The following GPC5 variants were observed in gnomAD, a reference collection of about 807,000 sequenced individuals.
The protein encoded by GPC5 is glypican-5.
In GPC5, 47 loss-of-function variants were observed where a neutral mutation model predicts 53.9. The observed-to-expected ratio is 0.87, with a 90% CI of 0.69 to 1.11. GPC5 has a LOEUF of 1.11. Among genes scored for constraint, GPC5 ranks in the 50% most tolerant of loss-of-function variants. The pLI, the probability that GPC5 is intolerant of heterozygous loss-of-function variation, is 0.00. For missense variants in GPC5, 748 were observed against 713.1 expected, an observed-to-expected ratio of 1.05 and a Z score of -0.56; for synonymous variants, 286 against 263.3, an observed-to-expected ratio of 1.09 and a Z score of -0.84.
At chr13:92,496,940 C>A (rs1016895426) in intron 7 of GPC5, among the ~76,000 whole-genome samples, 11 of 152,084 alleles carry the variant, frequency 7.2e-5, no homozygotes, top group African/African-American at 2.7e-4. Context: ...CAGAGTGAGA[C>A]AAGTTTTAAG....
chr13:91,717,064 GATAA>G (rs1408294740), intron 3 of GPC5, among the ~76,000 whole-genome samples: 2 of 152,140 alleles, frequency 1.3e-5, no homozygotes, highest in Non-Finnish European at 2.9e-5. Context: ...TGGCAAGGTT[GATAA>G]ATAAACTCAA....
At chr13:92,863,455 T>C (rs16947952) in intron 7 of GPC5, among the ~76,000 whole-genome samples, 10,094 of 152,214 alleles carry the variant, frequency 0.066, 1,100 homozygotes, top group African/African-American at 0.23. Context: ...TAATACACTT[T>C]ACCACTTCCT....
chr13:92,528,414 A>G (rs1483917960), intron 7 of GPC5, among the ~76,000 whole-genome samples: 4 of 152,126 alleles, frequency 2.6e-5, no homozygotes, highest in Admixed American at 2.6e-4. Context: ...GAACCCTGTG[A>G]TAAGTCAATT....
chr13:91,663,101 T>A (rs2035023871), intron 2 of GPC5, among the ~76,000 whole-genome samples: 1 of 152,212 alleles, frequency 6.6e-6, no homozygotes, highest in African/African-American at 2.4e-5. Flanking sequence ...GTGGAAGGCT[T>A]GATTTTCTAG....
intron 1 of GPC5, among the ~76,000 whole-genome samples, chr13:91,424,361 C>CTTTT (rs781733611): frequency 6.2e-5 from 7 of 113,454 alleles, no homozygotes; most frequent in South Asian, 3.3e-4. Context: ...TCCAGTACTG[C>CTTTT]TTTTTTTTTT....
chr13:91,790,178 A>G (rs1460510459), intron 5 of GPC5, among the ~76,000 whole-genome samples: 2 of 152,220 alleles, frequency 1.3e-5, no homozygotes, highest in Non-Finnish European at 2.9e-5. Flanking sequence ...AGCCATTATA[A>G]CAGGTGTGAG....
intron 7 of GPC5, among the ~76,000 whole-genome samples, chr13:92,200,048 A>G (rs2042283315): frequency 6.6e-6 from 1 of 152,230 alleles, no homozygotes; most frequent in Admixed American, 6.5e-5. Flanking sequence ...GAGAATATGA[A>G]GCACAGCCAT....
At chr13:92,329,943 T>C (rs751270016) in intron 7 of GPC5, among the ~76,000 whole-genome samples, 19 of 152,170 alleles carry the variant, frequency 1.2e-4, no homozygotes, top group Non-Finnish European at 2.4e-4. Flanking sequence ...GGCTTTGATG[T>C]TTTTCACTTT....
At chr13:92,711,167 A>G (rs979612320) in intron 7 of GPC5, among the ~76,000 whole-genome samples, 2 of 152,244 alleles carry the variant, frequency 1.3e-5, no homozygotes, top group Non-Finnish European at 2.9e-5. Flanking sequence ...ACATAGGTCA[A>G]ATCATAAGAG....
At chr13:92,862,058 T>A (rs1879199473) in intron 7 of GPC5, among the ~76,000 whole-genome samples, 1 of 152,180 alleles carries the variant, frequency 6.6e-6, no homozygotes, top group African/African-American at 2.4e-5. Context: ...TCGAGTTCAA[T>A]GCTTTGAATG....
intron 5 of GPC5, among the ~76,000 whole-genome samples, chr13:91,888,395 A>C (rs1015111512): frequency 1.2e-4 from 19 of 152,162 alleles, no homozygotes; most frequent in African/African-American, 4.6e-4. Context: ...AATATCTAAC[A>C]GGAAGTGATC....
At chr13:92,319,063 A>T (rs2043198501) in intron 7 of GPC5, among the ~76,000 whole-genome samples, 1 of 152,020 alleles carries the variant, frequency 6.6e-6, no homozygotes, top group Non-Finnish European at 1.5e-5. Context: ...GGTTGTCTCT[A>T]TTTTCTCTTC....
At position 92,383,481 on chromosome 13, in the gene GPC5, T is replaced by C. The variant is rs184638206; in HGVS notation, c.1561+238492T>C. ...GTGATATTATTTAATTTTGCATACC[T>C]GCAAGAGTAAATGATAGACGACTAA... On this transcript the variant is annotated intron_variant, in intron 7 of 7. Transcript: ENST00000377067. Among the ~76,000 whole-genome samples the C allele has an allele frequency of 7.2e-5, 11 of 152,318 alleles. No individual in the cohort carries two copies. In the East Asian group the frequency reaches 2.1e-3, roughly 29 times the overall value.
intron 2 of GPC5, among the ~76,000 whole-genome samples, chr13:91,685,202 G>T (rs1181248292): frequency 1.3e-5 from 2 of 152,168 alleles, no homozygotes; most frequent in Non-Finnish European, 1.5e-5. Flanking sequence ...ATACTTGGGA[G>T]GCTGAAGTGG....
chr13:92,522,200 G>T (rs1881083374), intron 7 of GPC5, among the ~76,000 whole-genome samples: 1 of 152,164 alleles, frequency 6.6e-6, no homozygotes. Context: ...CATTGCGGAA[G>T]ACAGTGTGGC....
chr13:91,503,811 A>ATCATCATC (rs1566457673), intron 2 of GPC5, among the ~76,000 whole-genome samples: 5 of 143,764 alleles, frequency 3.5e-5, no homozygotes, highest in African/African-American at 1.4e-4. Context: ...TAATAATAAT[A>ATCATCATC]ATAATAATCA....
intron 6 of GPC5, among the ~76,000 whole-genome samples, chr13:92,047,825 A>G (rs1331805315): frequency 6.6e-6 from 1 of 150,716 alleles, no homozygotes; most frequent in Non-Finnish European, 1.5e-5. Context: ...AAAAAAAAAA[A>G]AAGAAAATAC....
At chr13:91,576,317 A>ATG (rs66501826) in intron 2 of GPC5, among the ~76,000 whole-genome samples, 64 of 105,296 alleles carry the variant, frequency 6.1e-4, no homozygotes, top group South Asian at 1.1e-3. Flanking sequence ...CCAATACACA[A>ATG]TGTGTATATA....
chr13:91,768,196 A>G (rs904129060), intron 5 of GPC5, among the ~76,000 whole-genome samples: 6 of 152,124 alleles, frequency 3.9e-5, no homozygotes, highest in African/African-American at 1.2e-4. Flanking sequence ...TTCATAATAT[A>G]TTTTTCTTCA....
Sources: allele counts gnomAD v4.1 joint callset (sites outside exome capture counted in the v4.1 genomes callset), GRCh38; gene constraint gnomAD v4.1.1; transcripts MANE v1.5; gene names NCBI Gene and HGNC (gene_info 2026-07-23, HGNC 2026-07-21).